C1orf21: variants seen among roughly 807,000 people sequenced by gnomAD.
C1orf21 encodes uncharacterized protein C1orf21.
C1orf21 carries 3 observed loss-of-function variants against 18.7 expected under a neutral mutation model. The observed-to-expected ratio is 0.16, with a 90% CI of 0.07 to 0.42. The LOEUF (loss-of-function observed/expected upper bound fraction) is 0.42, where lower values mean the gene tolerates loss of function less well. C1orf21 is among the 10% of genes least tolerant of loss of function. The pLI is 0.99. For missense variants in C1orf21, 104 were observed against 143.6 expected (o/e 0.72, Z 1.41); for synonymous variants, 41 against 46.4 (o/e 0.88, Z 0.47).
At chr1:184,460,669 T>TCTC (rs1657292434) in intron 1 of C1orf21, among the ~76,000 whole-genome samples, 1 of 147,174 alleles carries the variant, frequency 6.8e-6, no homozygotes, top group African/African-American at 2.5e-5. Flanking sequence ...TTCTTCTTCT[T>TCTC]CTTCTTCTTC....
At chr1:184,618,644 C>CCA (rs1553260170) in intron 5 of C1orf21, among the ~76,000 whole-genome samples, 2 of 148,734 alleles carry the variant, frequency 1.3e-5, no homozygotes, top group African/African-American at 4.9e-5. Flanking sequence ...ATTCCCCCCC[C>CCA]CCAAGAAAAA....
intron 2 of C1orf21, among the ~76,000 whole-genome samples, chr1:184,482,359 A>G (rs1199607329): frequency 4.6e-5 from 7 of 152,172 alleles, no homozygotes; most frequent in Admixed American, 1.3e-4. Flanking sequence ...CAAGAATGCT[A>G]CATTTGCTGC....
intron 3 of C1orf21, among the ~76,000 whole-genome samples, chr1:184,536,011 T>C (rs1382720017): frequency 3.3e-5 from 5 of 152,208 alleles, no homozygotes; most frequent in African/African-American, 1.2e-4. Flanking sequence ...TTACCCCTGC[T>C]GAGTATGACA....
At chr1:184,422,232 C>T (rs904931587) in intron 1 of C1orf21, among the ~76,000 whole-genome samples, 7 of 152,126 alleles carry the variant, frequency 4.6e-5, no homozygotes, top group South Asian at 2.1e-4. Context: ...ATTTCCCTTT[C>T]GAAACTCAGC....
At position 184,457,753 on chromosome 1, in the gene C1orf21, G is replaced by A. The variant is rs113900267; in HGVS notation, c.-124-19633G>A. Among the ~76,000 whole-genome samples the A allele has an allele frequency of 1.1e-3, 165 of 152,280 alleles. 2 individuals carry two copies. Among genetic ancestry groups the A allele is most frequent in the African/African-American group, 3.9e-3 (163 of 41,554 alleles). ...CTATGGGCTGTAACATAAATAAAGA[G>A]AAAGTGAGATTGCATCAGCTTTGAG... On this transcript the variant is annotated intron_variant, in intron 1 of 5. Transcript: ENST00000235307.
chr1:184,473,479 G>A (rs1204270805), intron 1 of C1orf21, among the ~76,000 whole-genome samples: 1 of 152,098 alleles, frequency 6.6e-6, no homozygotes, highest in Non-Finnish European at 1.5e-5. Flanking sequence ...AAAAAAAAAT[G>A]CTGGAGTTTA....
chr1:184,538,297 A>G (rs993938041), intron 3 of C1orf21, among the ~76,000 whole-genome samples: 4 of 152,110 alleles, frequency 2.6e-5, no homozygotes, highest in African/African-American at 9.7e-5. Flanking sequence ...TCCTTTTCCA[A>G]TCTTTCAATT....
intron 5 of C1orf21, among the ~76,000 whole-genome samples, chr1:184,598,889 C>T (rs1209048497): frequency 6.6e-6 from 1 of 152,182 alleles, no homozygotes; most frequent in Non-Finnish European, 1.5e-5. Flanking sequence ...TCAATTTATA[C>T]TTAGGAAAAT....
chr1:184,424,494 TA>T (rs1656600758), intron 1 of C1orf21, among the ~76,000 whole-genome samples: 1 of 152,238 alleles, frequency 6.6e-6, no homozygotes, highest in Non-Finnish European at 1.5e-5. Context: ...AAACGTTCTG[TA>T]AATTTTCAAT....
At chr1:184,458,701 C>A (rs1657257260) in intron 1 of C1orf21, among the ~76,000 whole-genome samples, 1 of 152,076 alleles carries the variant, frequency 6.6e-6, no homozygotes, top group South Asian at 2.1e-4. Flanking sequence ...TTTCACATAG[C>A]AAAGTTAATT....
intron 3 of C1orf21, among the ~76,000 whole-genome samples, chr1:184,511,738 G>A (rs1168045625): frequency 6.6e-6 from 1 of 152,134 alleles, no homozygotes; most frequent in Non-Finnish European, 1.5e-5. Context: ...CGCATGGCTG[G>A]GGAGGCCTCA....
intron 3 of C1orf21, among the ~76,000 whole-genome samples, chr1:184,539,201 T>A (rs1377461661): frequency 1.3e-5 from 2 of 152,226 alleles, no homozygotes; most frequent in East Asian, 3.9e-4. Flanking sequence ...GTGTTTATCA[T>A]GAAAGGGTGT....
intron 1 of C1orf21, among the ~76,000 whole-genome samples, chr1:184,402,516 C>T (rs12132220): frequency 0.048 from 7,324 of 151,322 alleles, 187 homozygotes; most frequent in African/African-American, 0.056. Flanking sequence ...CCCAGCTACT[C>T]GGGAGGCTGA....
chr1:184,515,069 G>A (rs1227766718), intron 3 of C1orf21, among the ~76,000 whole-genome samples: 1 of 152,166 alleles, frequency 6.6e-6, no homozygotes, highest in African/African-American at 2.4e-5. Context: ...AGCCACTTTA[G>A]TGGGAAGTTA....
At chr1:184,555,668 G>A (rs1658867985) in intron 3 of C1orf21, among the ~76,000 whole-genome samples, 1 of 151,960 alleles carries the variant, frequency 6.6e-6, no homozygotes. Flanking sequence ...CTCACTTTCT[G>A]GCTTTACTCT....
chr1:184,468,093 A>G (rs545594664), intron 1 of C1orf21, among the ~76,000 whole-genome samples: 14 of 152,200 alleles, frequency 9.2e-5, no homozygotes, highest in African/African-American at 2.6e-4. Context: ...CTTCCCCCCA[A>G]AAAGAGGGTT....
chr1:184,604,779 A>G (rs143468150), intron 5 of C1orf21, among the ~76,000 whole-genome samples: 52 of 152,346 alleles, frequency 3.4e-4, no homozygotes, highest in Non-Finnish European at 5.4e-4. Context: ...CATCCAGCTA[A>G]CAGTAGTAGA....
intron 1 of C1orf21, among the ~76,000 whole-genome samples, chr1:184,442,031 C>T (rs1037053296): frequency 9.2e-5 from 14 of 152,104 alleles, no homozygotes; most frequent in African/African-American, 3.4e-4. Context: ...ATTTTCAAGT[C>T]AAAAGAAACT....
intron 4 of C1orf21, among the ~76,000 whole-genome samples, chr1:184,593,839 C>A (rs931886216): frequency 2.6e-5 from 4 of 152,158 alleles, no homozygotes; most frequent in Non-Finnish European, 5.9e-5. Context: ...ATTGAATGGG[C>A]CCTAGCAGTC....
Sources: gnomAD v4.1 joint callset for allele counts (sites outside exome capture counted in the v4.1 genomes callset) on GRCh38, gnomAD v4.1.1 for gene constraint, MANE v1.5 for transcripts, NCBI Gene and HGNC (gene_info 2026-07-23, HGNC 2026-07-21) for gene names.